The following TMEM179 variants were observed in gnomAD, a reference collection of about 807,000 sequenced individuals.
TMEM179 encodes transmembrane protein 179.
A neutral mutation model predicts 22.2 loss-of-function variants in TMEM179; 17 were observed. The observed-to-expected ratio is 0.77, with a 90% CI of 0.52 to 1.15. The LOEUF (loss-of-function observed/expected upper bound fraction) is 1.15. Among genes scored for constraint, TMEM179 ranks in the 50% most tolerant of loss-of-function variants. TMEM179 has a pLI of 0.00. For missense variants in TMEM179, 265 were observed against 313.6 expected, an observed-to-expected ratio of 0.84 and a Z score of 1.17; for synonymous variants, 127 against 140.5, an observed-to-expected ratio of 0.90 and a Z score of 0.68.
Position 104,593,273 on chromosome 14 carries a change from A to G in TMEM179, c.*206T>C, listed in dbSNP as rs1276754981. 3.2e-6 allele frequency: 2 copies of G among 632,342 alleles called. No individual in the cohort carries two copies. Among genetic ancestry groups the G allele is most frequent in the East Asian group, 5.6e-5 (2 of 36,000 alleles). The allele number at this position is 632,342 out of a possible 1,614,324, so 39.2% of individuals were successfully genotyped here. A position where few individuals can be genotyped will look rare whatever the true frequency, so the allele number is the denominator to read the frequency against. On this transcript the variant is annotated 3_prime_UTR_variant, in exon 4 of 4. Coordinates refer to ENST00000556573, the MANE Select transcript of TMEM179 (RefSeq NM_001286389.2). ...ATAGTCTCTCTGCACCATCCTCATC[A>G]GGGAGCCGGCACCCACCCAGTCCAC...
In TMEM179 at chr14:104,593,372, C is replaced by T. The variant is rs1886904707; in HGVS notation, c.*107G>A. On this transcript the variant is annotated 3_prime_UTR_variant, in exon 4 of 4. Transcript: ENST00000556573. ...CGTCGAGGGGACACACGCAGGGCTGCATGTGGCCAGGGCCCAGGCAGAGCC... is the reference window on the plus strand; with the variant it reads ...CGTCGAGGGGACACACGCAGGGCTGTATGTGGCCAGGGCCCAGGCAGAGCC... The T allele has an allele frequency of 2.2e-6, 3 of 1,369,758 alleles. No homozygotes were observed. Among genetic ancestry groups the T allele is most frequent in the Middle Eastern group, 1.8e-4 (1 of 5,620 alleles). 84.9% of individuals were successfully genotyped at this position (1,369,758 alleles called of 1,614,324 possible).
At position 104,593,424 on chromosome 14, in the gene TMEM179, G is replaced by A. The variant is rs992079417; in HGVS notation, c.*55C>T. ...CCCAGCTGCTTCCCCAGGCAGGCCC[G>A]TGCCCCCGAGCGCAGCAGGGAGGTC... On this transcript the variant is annotated 3_prime_UTR_variant, in exon 4 of 4. Coordinates refer to ENST00000556573, the MANE Select transcript of TMEM179 (RefSeq NM_001286389.2). The A allele has an allele frequency of 7.9e-6, 12 of 1,525,536 alleles. No individual in the cohort carries two copies. In the African/African-American group the frequency reaches 1.2e-4, roughly 15 times the overall value. 94.5% of individuals were successfully genotyped at this position (1,525,536 alleles called of 1,614,324 possible).
chr14:104,594,539 C>T (rs1886953077), intron 3 of TMEM179: 2 of 1,230,976 alleles, frequency 1.6e-6, no homozygotes. Flanking sequence ...CAGGGTTCCC[C>T]CTCCGGCCCT....
At position 104,598,607 on chromosome 14, in the gene TMEM179, C is replaced by T. The variant is rs536638366; in HGVS notation, c.306-1480G>A. ...ACAGAGGGCAGAGTGATACAAAAGA[C>T]GAAGTCCTGGCCCCGGGAGGTGCCC... On this transcript the variant is annotated intron_variant, in intron 1 of 3. Coordinates refer to ENST00000556573, the MANE Select transcript of TMEM179 (RefSeq NM_001286389.2). Among the ~76,000 whole-genome samples the T allele has an allele frequency of 9.8e-5, 15 of 152,376 alleles. No individual in the cohort carries two copies. In the South Asian group the frequency reaches 1.7e-3, roughly 17 times the overall value.
chr14:104,595,017 G>A lies in TMEM179; in HGVS notation c.522+148C>T. ...CCTCCTGCAGGAAGCCTTCCCGACTGCTCCCACTGCCTGGTCCCATTGCTA... is the reference window on the plus strand; with the variant it reads ...CCTCCTGCAGGAAGCCTTCCCGACTACTCCCACTGCCTGGTCCCATTGCTA... On this transcript the variant is annotated intron_variant, in intron 3 of 3. Coordinates refer to ENST00000556573, the MANE Select transcript of TMEM179 (RefSeq NM_001286389.2). The surrounding 1 kb of genome is among the most constrained non-coding windows in gnomAD (Gnocchi z 5.7). The A allele has an allele frequency of 2.0e-6, 3 of 1,508,114 alleles. No individual in the cohort carries two copies. The highest frequency in any genetic ancestry group is 2.7e-6 in the Non-Finnish European group (3 of 1,126,524). 93.4% of individuals were successfully genotyped at this position (1,508,114 alleles called of 1,614,324 possible).
Position 104,593,243 on chromosome 14 carries a change from C to T in TMEM179, c.*236G>A. 1.7e-6 allele frequency: 1 copy of T among 578,104 alleles called. No individual in the cohort carries two copies. Among genetic ancestry groups the T allele is most frequent in the Non-Finnish European group, 3.0e-6 (1 of 330,940 alleles). 35.8% of individuals were successfully genotyped at this position (578,104 alleles called of 1,614,324 possible). On this transcript the variant is annotated 3_prime_UTR_variant, in exon 4 of 4. Coordinates refer to ENST00000556573, the MANE Select transcript of TMEM179 (RefSeq NM_001286389.2). ...GGAGGTGCCCCCCGCCCCCGCCCCACACCCATAGTCTCTCTGCACCATCCT... is the reference window on the plus strand; with the variant it reads ...GGAGGTGCCCCCCGCCCCCGCCCCATACCCATAGTCTCTCTGCACCATCCT...
intron 3 of TMEM179, chr14:104,594,407 G>A (rs1180576217): frequency 5.7e-6 from 7 of 1,231,748 alleles, no homozygotes; most frequent in Admixed American, 8.4e-5. Flanking sequence ...TGAAGCCAGC[G>A]GGCCCTGATC....
chr14:104,594,219 T>C, intron 3 of TMEM179: 1 of 1,231,864 alleles, frequency 8.1e-7, no homozygotes, highest in Non-Finnish European at 1.0e-6. Flanking sequence ...TGAGGCCTCT[T>C]CCACTCACTA....
intron 1 of TMEM179, among the ~76,000 whole-genome samples, chr14:104,601,865 C>G (rs1282898803): frequency 6.6e-6 from 1 of 152,136 alleles, no homozygotes; most frequent in Admixed American, 6.5e-5. Flanking sequence ...ATGTAGCCCC[C>G]CTCGACAACC....
Position 104,604,135 on chromosome 14 carries a change from G to C in TMEM179, c.305+302C>G, listed in dbSNP as rs1385753488. Reference sequence around the variant, plus strand: ...AGCCCGCCCAGGAAGGTCCAGGCCTGCTGGGTGATGACAGTGCAACATCTG... The same window carrying C: ...AGCCCGCCCAGGAAGGTCCAGGCCTCCTGGGTGATGACAGTGCAACATCTG... On this transcript the variant is annotated intron_variant, in intron 1 of 3. Coordinates refer to ENST00000556573, the MANE Select transcript of TMEM179 (RefSeq NM_001286389.2). The surrounding 1 kb of genome is among the most constrained non-coding windows in gnomAD (Gnocchi z 4.6). Among the ~76,000 whole-genome samples the C allele has an allele frequency of 6.6e-6, 1 of 152,246 alleles. No homozygotes were observed. Among genetic ancestry groups the C allele is most frequent in the Admixed American group, 6.5e-5 (1 of 15,292 alleles).
In TMEM179 at chr14:104,597,049, C is replaced by T. The variant is rs1887050931; in HGVS notation, c.384G>A (p.Val128=). ...CGCACCACATGGTGAAGCCCACGCT[C>T]ACGATGGTGCTGGCAATGAAGACCA... ...VFLVFIASTI[V]SVGFTMWCDT... is the part of the protein sequence containing the mutation. Residue 128 remains valine, a synonymous_variant, in exon 2 of 4, where the codon GTG becomes GTA. Transcript: ENST00000556573. The surrounding 1 kb of genome is among the most constrained non-coding windows in gnomAD (Gnocchi z 4.8). The T allele has an allele frequency of 6.2e-7, 1 of 1,610,020 alleles. No homozygotes were observed. The highest frequency in any genetic ancestry group is 1.7e-5 in the Admixed American group (1 of 59,686).
Position 104,593,630 on chromosome 14 carries a change from C to T in TMEM179, c.551G>A (p.Trp184Ter). The change falls in exon 4 of 4, where the codon TGG (tryptophan) becomes TAG (stop). Residue 184 changes from tryptophan to a stop codon, truncating the protein, a stop_gained. Coordinates refer to ENST00000556573, the MANE Select transcript of TMEM179 (RefSeq NM_001286389.2). LOFTEE classifies it high-confidence loss of function. ...QFGLWASWLA[W>*]LAITTLAFLK... ...GAAGGCCAGCGTGGTGATGGCCAGCCAGGCCAGCCATGAGGCCCAGAGGCC... is the reference window on the plus strand; with the variant it reads ...GAAGGCCAGCGTGGTGATGGCCAGCTAGGCCAGCCATGAGGCCCAGAGGCC... 1 of 1,486,846 alleles carries T rather than the reference C, an allele frequency of 6.7e-7. No homozygotes were observed. The highest frequency in any genetic ancestry group is 8.9e-7 in the Non-Finnish European group (1 of 1,118,880). 92.1% of individuals were successfully genotyped at this position (1,486,846 alleles called of 1,614,324 possible).
In TMEM179 at chr14:104,604,671, A is replaced by C. The variant is rs779107244; in HGVS notation, c.71T>G (p.Val24Gly). ...YFLAFLFSFV[V>G]VVPLSENGHD... ...GCCGTTCTCGGACAGCGGGACCACCACCACGAAGCTGAACAGGAAGGCCAA... is the reference window on the plus strand; with the variant it reads ...GCCGTTCTCGGACAGCGGGACCACCCCCACGAAGCTGAACAGGAAGGCCAA... Residue 24 changes from valine to glycine, a missense_variant, in exon 1 of 4, where the codon GTG (valine) becomes GGG (glycine). Transcript: ENST00000556573. The surrounding 1 kb of genome is among the most constrained non-coding windows in gnomAD (Gnocchi z 4.6). 9 of 1,598,404 alleles carry C rather than the reference A, an allele frequency of 5.6e-6. No homozygotes were observed. The African/African-American group carries it at 1.2e-4, about 22-fold the overall frequency.
At position 104,592,421 on chromosome 14, in the gene TMEM179, A is replaced by C. The variant is rs3809458; in HGVS notation, c.*1058T>G. ...ACACCCACATGCACACTCATGCACA[A>C]TCACATCCTCCCAGGCAGTCACTCG... On this transcript the variant is annotated 3_prime_UTR_variant, in exon 4 of 4. Coordinates refer to ENST00000556573, the MANE Select transcript of TMEM179 (RefSeq NM_001286389.2). 0.69 allele frequency: 105,484 copies of C among 152,342 alleles called. 36,962 individuals are homozygous for C. The highest frequency in any genetic ancestry group is 0.74 in the Non-Finnish European group (50,474 of 68,202). 9.4% of individuals were successfully genotyped at this position (152,342 alleles called of 1,614,324 possible).
chr14:104,604,537 CCGG>C lies in TMEM179; in HGVS notation c.202_204del (p.Pro68del). The stretch of plus-strand genomic sequence containing the variant: ...GCGAGCAGGCTGAAGCGGCAGGCGG[CCGG>C]CGGGCCCCACTCCTGCACCGTGAAG... On this transcript the variant is annotated inframe_deletion, in exon 1 of 4. Coordinates refer to ENST00000556573, the MANE Select transcript of TMEM179 (RefSeq NM_001286389.2). This position sits in a 1 kb window ranked among gnomAD's most constrained non-coding sequence, Gnocchi z 4.6. 6.5e-7 allele frequency: 1 copy of C among 1,536,848 alleles called. No homozygotes were observed. The highest frequency in any genetic ancestry group is 8.7e-7 in the Non-Finnish European group (1 of 1,145,132).
chr14:104,595,761 G>A lies in TMEM179; in HGVS notation c.444-518C>T, dbSNP rs999653596. 7.9e-5 allele frequency among the ~76,000 whole-genome samples: 12 copies of A among 152,228 alleles called. No homozygotes were observed. The highest frequency in any genetic ancestry group is 1.9e-4 in the African/African-American group (8 of 41,460). On this transcript the variant is annotated intron_variant, in intron 2 of 3. Transcript: ENST00000556573. This position sits in a 1 kb window ranked among gnomAD's most constrained non-coding sequence, Gnocchi z 5.7. ...TGCCCAGAAGCTCTGCCCCCATCACGGAGGCATCTGTGGAAGCAGTGGGCA... is the reference window on the plus strand; with the variant it reads ...TGCCCAGAAGCTCTGCCCCCATCACAGAGGCATCTGTGGAAGCAGTGGGCA...
rs747279593 is a variant in TMEM179 at position 104,595,528 on chromosome 14, T to A, written c.444-285A>T. On this transcript the variant is annotated intron_variant, in intron 2 of 3. Coordinates refer to ENST00000556573, the MANE Select transcript of TMEM179 (RefSeq NM_001286389.2). This position sits in a 1 kb window ranked among gnomAD's most constrained non-coding sequence, Gnocchi z 5.7. ...GCCCTCCTGGACCCTCTGCCCCCCA[T>A]GCCCCACACTCTGAGGATCACGGGG... 6.6e-6 allele frequency among the ~76,000 whole-genome samples: 1 copy of A among 151,914 alleles called. No individual in the cohort carries two copies. Among genetic ancestry groups the A allele is most frequent in the African/African-American group, 2.4e-5 (1 of 41,326 alleles).
chr14:104,594,665 C>A, intron 3 of TMEM179: 1 of 1,210,002 alleles, frequency 8.3e-7, no homozygotes. Flanking sequence ...GCAGCTTATA[C>A]AAGGGCAGGG....
In TMEM179 at chr14:104,593,249, T is replaced by G; in HGVS notation, c.*230A>C. ...GCCCCCCGCCCCCGCCCCACACCCA[T>G]AGTCTCTCTGCACCATCCTCATCAG... On this transcript the variant is annotated 3_prime_UTR_variant, in exon 4 of 4. Coordinates refer to ENST00000556573, the MANE Select transcript of TMEM179 (RefSeq NM_001286389.2). 15 of 556,466 alleles carry G rather than the reference T, an allele frequency of 2.7e-5. No homozygotes were observed. Among genetic ancestry groups the G allele is most frequent in the African/African-American group, 4.0e-5 (2 of 50,370 alleles). The allele number at this position is 556,466 out of a possible 1,614,324, so 34.5% of individuals were successfully genotyped here. A position where few individuals can be genotyped will look rare whatever the true frequency, so the allele number is the denominator to read the frequency against.
Sources: allele counts gnomAD v4.1 joint callset (sites outside exome capture counted in the v4.1 genomes callset), GRCh38; gene constraint gnomAD v4.1.1; non-coding constraint Gnocchi (gnomAD v3.1); transcripts MANE v1.5; gene names NCBI Gene and HGNC (gene_info 2026-07-23, HGNC 2026-07-21).